The following CHD9 variants were observed in gnomAD, a reference collection of about 807,000 sequenced individuals.
CHD9 encodes the protein chromodomain helicase DNA binding protein 9.
In CHD9, 77 loss-of-function variants were observed where a neutral mutation model predicts 316.1. That is an observed-to-expected ratio of 0.24 (90% CI 0.20 to 0.29). CHD9 has a LOEUF of 0.29. Among genes scored for constraint, CHD9 ranks in the 10% least tolerant of loss-of-function variants. The pLI is 1.00. For synonymous variants in CHD9, 1,129 were observed against 1,158.3 expected (o/e 0.97, Z 0.51); for missense variants, 2,763 against 3,438.1 (o/e 0.80, Z 4.91).
intron 37 of CHD9, 25 bp from the exon 38 acceptor site, chr16:53,321,501 T>C (rs1406536266): frequency 2.0e-6 from 3 of 1,518,036 alleles, no homozygotes; most frequent in Non-Finnish European, 2.7e-6. Flanking sequence ...AGTGTTGTAG[T>C]ATTTAATCTG....
chr16:53,129,205 T>G (rs906871357), intron 1 of CHD9, among the ~76,000 whole-genome samples: 1 of 152,202 alleles, frequency 6.6e-6, no homozygotes, highest in South Asian at 2.1e-4. Context: ...CTCTATCAGA[T>G]GATGGGGAGG....
intron 2 of CHD9, among the ~76,000 whole-genome samples, chr16:53,180,163 C>T (rs893534367): frequency 3.3e-5 from 5 of 151,656 alleles, no homozygotes; most frequent in Admixed American, 2.0e-4. Context: ...CCCACCACCA[C>T]GCCCAGCTAA....
intron 2 of CHD9, among the ~76,000 whole-genome samples, chr16:53,206,342 T>TTC (rs1200686689): frequency 6.8e-6 from 1 of 146,718 alleles, no homozygotes; most frequent in Non-Finnish European, 1.5e-5. Context: ...ATTTCTACAC[T>TTC]TTTGAAAGGG....
At chr16:53,161,330 CAG>C (rs1305703239) in intron 2 of CHD9, among the ~76,000 whole-genome samples, 1 of 152,152 alleles carries the variant, frequency 6.6e-6, no homozygotes, top group African/African-American at 2.4e-5. Flanking sequence ...CAAATTTTGA[CAG>C]AGCATAGACT....
intron 1 of CHD9, among the ~76,000 whole-genome samples, chr16:53,138,424 G>A (rs1008775813): frequency 3.9e-5 from 6 of 152,150 alleles, no homozygotes; most frequent in Admixed American, 2.6e-4. Flanking sequence ...AAATCACTGC[G>A]TAGAAACTTA....
rs79874123 is a variant in CHD9, at chr16:53,268,985, A to G, written c.4717+859A>G. ...ACCCGGCTTTTAAAAATTTTTTTAT[A>G]TTGCAGAGTCAGGGTCCTACCATGT... is the stretch of plus-strand genomic sequence containing the variant. On this transcript the variant is annotated intron_variant, in intron 22 of 38. Transcript: ENST00000447540. 1.1e-4 allele frequency among the ~76,000 whole-genome samples: 16 copies of G among 151,940 alleles called. No individual in the cohort carries two copies. In the East Asian group the frequency reaches 2.7e-3, roughly 26 times the overall value.
At chr16:53,202,529 C>T (rs925865380) in intron 2 of CHD9, among the ~76,000 whole-genome samples, 2 of 151,966 alleles carry the variant, frequency 1.3e-5, no homozygotes, top group Non-Finnish European at 2.9e-5. Flanking sequence ...GAGTTTCCTA[C>T]ACTCTGGATT....
intron 13 of CHD9, among the ~76,000 whole-genome samples, chr16:53,244,979 T>C (rs1236154353): frequency 1.3e-5 from 2 of 152,030 alleles, no homozygotes; most frequent in African/African-American, 4.8e-5. Flanking sequence ...AGCCAGGTGT[T>C]GTGGTGCATA....
intron 2 of CHD9, among the ~76,000 whole-genome samples, chr16:53,189,476 A>G (rs145500976): frequency 1.4e-3 from 214 of 151,902 alleles, no homozygotes; most frequent in Non-Finnish European, 2.1e-3. Context: ...TGATTTTCAG[A>G]TATTAGCCTT....
At chr16:53,165,516 C>A (rs1389198129) in intron 2 of CHD9, among the ~76,000 whole-genome samples, 1 of 152,048 alleles carries the variant, frequency 6.6e-6, no homozygotes, top group Non-Finnish European at 1.5e-5. Flanking sequence ...TCTGTTAGAA[C>A]AAGATGAAAA....
chr16:53,069,042 C>A (rs1177527899), intron 1 of CHD9, among the ~76,000 whole-genome samples: 1 of 152,036 alleles, frequency 6.6e-6, no homozygotes, highest in East Asian at 1.9e-4. Flanking sequence ...TCTTGCTCTA[C>A]TGCCCAGGCT....
In CHD9 at chr16:53,238,411, A is replaced by G; in HGVS notation, c.2702A>G (p.Glu901Gly). 1 of 1,613,108 alleles carries G rather than the reference A, an allele frequency of 6.2e-7. No individual in the cohort carries two copies. The highest frequency in any genetic ancestry group is 1.1e-5 in the South Asian group (1 of 91,056). Residue 901 changes from glutamate (E) to glycine (G), a missense_variant, in exon 12 of 39, where the codon GAA (glutamate) becomes GGA (glycine). By Grantham distance (98) the Glu-to-Gly change is moderately conservative (BLOSUM62 -2). Transcript: ENST00000447540. ...ATTCAATCAATTACATTCCTCTATG[A>G]AATCCTTCTGACTGGTATAAGAGGA... Reference protein sequence around the residue: ...KTIQSITFLYEILLTGIRGPF... With the variant: ...KTIQSITFLYGILLTGIRGPF...
intron 19 of CHD9, among the ~76,000 whole-genome samples, chr16:53,256,569 C>T (rs1219585496): frequency 4.7e-5 from 7 of 150,016 alleles, no homozygotes; most frequent in African/African-American, 1.7e-4. Context: ...GTGATCCACC[C>T]GCCTCGGCCT....
chr16:53,235,182 A>G lies in CHD9; in HGVS notation c.2512-3A>G. On this transcript the variant is annotated splice_polypyrimidine_tract_variant and splice_region_variant and intron_variant, in intron 10 of 38. Transcript: ENST00000447540. ...ACCATTCATTCTTTGTTTTTCCACAAAGGACCGTCCTCCTTCTAATATTTG... is the reference window on the plus strand; with the variant it reads ...ACCATTCATTCTTTGTTTTTCCACAGAGGACCGTCCTCCTTCTAATATTTG... 6.4e-7 allele frequency: 1 copy of G among 1,552,440 alleles called. No homozygotes were observed. Among genetic ancestry groups the G allele is most frequent in the Non-Finnish European group, 8.7e-7 (1 of 1,147,606 alleles).
At chr16:53,236,308 C>T (rs2048615857) in intron 11 of CHD9, among the ~76,000 whole-genome samples, 1 of 152,004 alleles carries the variant, frequency 6.6e-6, no homozygotes, top group Non-Finnish European at 1.5e-5. Context: ...TAGAGAAACC[C>T]GGGGATGGTA....
Position 53,303,847 on chromosome 16 carries a change from C to T in CHD9, c.5841C>T (p.Arg1947=). Residue 1947 remains arginine, a synonymous_variant, in exon 31 of 39, where the codon CGC becomes CGT. Transcript: ENST00000447540. ...QALRHPQLFE[R]LKLCHPNPDL... is the part of the protein sequence containing the mutation. ...TTCGACATCCACAGTTGTTTGAACG[C>T]TTGAAGCTTTGCCATCCAAATCCAG... 6.2e-7 allele frequency: 1 copy of T among 1,614,006 alleles called. No homozygotes were observed. Among genetic ancestry groups the T allele is most frequent in the Admixed American group, 1.7e-5 (1 of 60,016 alleles).
At chr16:53,291,646 G>C (rs760143616) in intron 27 of CHD9, 79 bp from the exon 28 acceptor site, 9 of 929,932 alleles carry the variant, frequency 9.7e-6, no homozygotes, top group African/African-American at 8.7e-5. Context: ...CTGTTATAAA[G>C]AAGTTTGATT....
intron 3 of CHD9, among the ~76,000 whole-genome samples, chr16:53,210,939 T>G (rs897069927): frequency 5.3e-5 from 8 of 152,116 alleles, no homozygotes; most frequent in Non-Finnish European, 1.0e-4. Flanking sequence ...AAATGAAATT[T>G]GAAAGATTTC....
intron 4 of CHD9, among the ~76,000 whole-genome samples, chr16:53,224,292 TTA>T (rs2047472074): frequency 6.6e-6 from 1 of 152,196 alleles, no homozygotes; most frequent in Non-Finnish European, 1.5e-5. Context: ...AGATTCATTT[TTA>T]TGTTTTTAAA....
Sources: allele counts gnomAD v4.1 joint callset (sites outside exome capture counted in the v4.1 genomes callset), GRCh38; gene constraint gnomAD v4.1.1; transcripts MANE v1.5; gene names NCBI Gene and HGNC (gene_info 2026-07-23, HGNC 2026-07-21).